RBFOX1: variants seen among roughly 807,000 people sequenced by gnomAD.
The protein encoded by RBFOX1 is RNA binding fox-1 homolog 1, also known as RNA binding protein fox-1 homolog 1.
In RBFOX1, 8 loss-of-function variants were observed where a neutral mutation model predicts 57.7. The ratio of observed to expected loss-of-function variants is 0.14; its 90% CI spans 0.08 to 0.25. The LOEUF (loss-of-function observed/expected upper bound fraction) is 0.25. RBFOX1 is among the 10% of genes least tolerant of loss of function. The pLI, the probability that RBFOX1 is intolerant of heterozygous loss-of-function variation, is 1.00. For synonymous variants in RBFOX1, 326 were observed against 222.4 expected (o/e 1.47, Z -4.15); for missense variants, 611 against 548.5 (o/e 1.11, Z -1.14).
chr16:5,316,315 T>C (rs544416080), intron 1 of RBFOX1, among the ~76,000 whole-genome samples: 41 of 152,354 alleles, frequency 2.7e-4, no homozygotes, highest in African/African-American at 8.7e-4. Context: ...AGTGTGGCAT[T>C]GCACCTTCTA....
chr16:5,620,688 T>G (rs2048175729), intron 3 of RBFOX1, among the ~76,000 whole-genome samples: 1 of 152,078 alleles, frequency 6.6e-6, no homozygotes, highest in African/African-American at 2.4e-5. Context: ...CTCATTTATT[T>G]TTTTGGTAGA....
In RBFOX1 at chr16:5,884,870, G is replaced by T. The variant is rs188441393; in HGVS notation, c.351+17535G>T. On this transcript the variant is annotated intron_variant, in intron 4 of 19. Transcript: ENST00000641259. The stretch of plus-strand genomic sequence containing the variant: ...TGGAGGCAAAGTGTGGCACGAGCTT[G>T]GAGTGTCTTTCTCCCATTTTGCCAT... Among the ~76,000 whole-genome samples the T allele has an allele frequency of 6.6e-5, 10 of 152,186 alleles. 1 individual carries two copies. The East Asian group carries it at 1.9e-3, about 29-fold the overall frequency.
chr16:5,292,655 C>G (rs889300732), intron 1 of RBFOX1, among the ~76,000 whole-genome samples: 2 of 137,898 alleles, frequency 1.5e-5, no homozygotes, highest in Non-Finnish European at 3.2e-5. Flanking sequence ...TATTTAATCT[C>G]TCTCTGTCAC....
intron 2 of RBFOX1, among the ~76,000 whole-genome samples, chr16:6,577,944 G>C (rs925770720): frequency 1.3e-5 from 2 of 152,202 alleles, no homozygotes; most frequent in Non-Finnish European, 1.5e-5. Context: ...GATTCAGAGA[G>C]CTTCAGTCAC....
chr16:5,528,206 C>G (rs945304141), intron 2 of RBFOX1, among the ~76,000 whole-genome samples: 1 of 152,078 alleles, frequency 6.6e-6, no homozygotes, highest in Non-Finnish European at 1.5e-5. Context: ...GCTTCCTTGA[C>G]GATGATCCAC....
In RBFOX1 at chr16:6,859,892, G is replaced by C. The variant is rs147379271; in HGVS notation, c.-15-192165G>C. Among the ~76,000 whole-genome samples the C allele has an allele frequency of 4.2e-3, 633 of 152,266 alleles. 3 individuals are homozygous for C. Among genetic ancestry groups the C allele is most frequent in the Non-Finnish European group, 5.4e-3 (365 of 68,020 alleles). On this transcript the variant is annotated intron_variant, in intron 3 of 15. Transcript: ENST00000550418. ...TTCCTTTGAGTTAGAGGAATGCATT[G>C]GAGAGAAGTGTTATTGATGAGGGCT...
At chr16:7,163,314 C>A (rs2078772032) in intron 4 of RBFOX1, among the ~76,000 whole-genome samples, 1 of 152,138 alleles carries the variant, frequency 6.6e-6, no homozygotes, top group African/African-American at 2.4e-5. Context: ...CCCTTGTCCC[C>A]TGGTGATGAG....
chr16:6,603,638 TG>T (rs1258279551), intron 2 of RBFOX1, among the ~76,000 whole-genome samples: 1 of 152,188 alleles, frequency 6.6e-6, no homozygotes, highest in African/African-American at 2.4e-5. Context: ...TATGTGCAGC[TG>T]GGGGTTATGC....
Position 6,440,108 on chromosome 16 carries a change from T to C in RBFOX1, c.-64+123051T>C, listed in dbSNP as rs190906859. ...TGCACCACCATGCCTGGCTAATTTT[T>C]GTATTTTTAGTAGAGACGGGGCTTC... On this transcript the variant is annotated intron_variant, in intron 2 of 15. Coordinates refer to ENST00000550418, the MANE Select transcript of RBFOX1 (RefSeq NM_018723.4). Among the ~76,000 whole-genome samples, 130 of 152,070 alleles carry C rather than the reference T, an allele frequency of 8.5e-4. 1 individual carries two copies. In the East Asian group the frequency reaches 0.019, roughly 23 times the overall value.
intron 2 of RBFOX1, among the ~76,000 whole-genome samples, chr16:6,403,982 C>T (rs2093179528): frequency 6.6e-6 from 1 of 152,114 alleles, no homozygotes; most frequent in South Asian, 2.1e-4. Flanking sequence ...CAGAATCCAA[C>T]CATGCTGGCA....
intron 4 of RBFOX1, among the ~76,000 whole-genome samples, chr16:7,066,024 G>A (rs537320847): frequency 2.0e-5 from 3 of 152,084 alleles, no homozygotes; most frequent in Non-Finnish European, 4.4e-5. Flanking sequence ...CAATTGAAAT[G>A]GTTTAATTCA....
At chr16:7,286,108 A>C (rs949994151) in intron 4 of RBFOX1, among the ~76,000 whole-genome samples, 3 of 152,240 alleles carry the variant, frequency 2.0e-5, no homozygotes, top group Admixed American at 1.3e-4. Context: ...AGATGATTTA[A>C]ATAAGGAACG....
chr16:5,511,723 A>T (rs1330777104), intron 2 of RBFOX1, among the ~76,000 whole-genome samples: 2 of 152,148 alleles, frequency 1.3e-5, no homozygotes, highest in Non-Finnish European at 2.9e-5. Flanking sequence ...CAGGATTTGA[A>T]CCCATGTTGG....
intron 4 of RBFOX1, among the ~76,000 whole-genome samples, chr16:7,203,497 C>G (rs563253728): frequency 6.6e-6 from 1 of 152,270 alleles, no homozygotes; most frequent in Admixed American, 6.5e-5. Context: ...ATACTTAATG[C>G]TACTGAATTG....
At chr16:7,001,997 G>C (rs942470195) in intron 3 of RBFOX1, among the ~76,000 whole-genome samples, 1 of 152,072 alleles carries the variant, frequency 6.6e-6, no homozygotes, top group Admixed American at 6.6e-5. Flanking sequence ...CTGGTGTTTA[G>C]AGTGACAGTA....
chr16:7,355,114 G>C (rs991331891), intron 4 of RBFOX1, among the ~76,000 whole-genome samples: 5 of 152,170 alleles, frequency 3.3e-5, no homozygotes, highest in African/African-American at 1.2e-4. Context: ...TATCACCCAA[G>C]CTTTGAATGT....
chr16:6,153,599 G>C (rs1015887803), intron 1 of RBFOX1, among the ~76,000 whole-genome samples: 11 of 151,970 alleles, frequency 7.2e-5, no homozygotes, highest in Non-Finnish European at 1.6e-4. Flanking sequence ...ATAGTGGCAT[G>C]ATCTCGGCTC....
At chr16:7,230,711 A>G (rs1308038912) in intron 4 of RBFOX1, among the ~76,000 whole-genome samples, 1 of 152,170 alleles carries the variant, frequency 6.6e-6, no homozygotes, top group Non-Finnish European at 1.5e-5. Flanking sequence ...GTTGAAAGTG[A>G]CCTTTAAGGC....
At chr16:6,613,166 G>A (rs759028015) in intron 2 of RBFOX1, among the ~76,000 whole-genome samples, 4 of 152,138 alleles carry the variant, frequency 2.6e-5, no homozygotes, top group African/African-American at 7.2e-5. Context: ...TGCTTGCTGC[G>A]TGGGTCCCTC....
Sources: allele counts gnomAD v4.1 joint callset (sites outside exome capture counted in the v4.1 genomes callset), GRCh38; gene constraint gnomAD v4.1.1; transcripts MANE v1.5; gene names NCBI Gene and HGNC (gene_info 2026-07-23, HGNC 2026-07-21).